The following CASTOR2 variants were observed in gnomAD, a reference collection of about 807,000 sequenced individuals.
The protein encoded by CASTOR2 is cytosolic arginine sensor for mTORC1 subunit 2, also known as GATS protein like 2.
CASTOR2 carries 8 observed loss-of-function variants against 31.2 expected under a neutral mutation model. That is an observed-to-expected ratio of 0.26 (90% CI 0.15 to 0.46). The LOEUF (loss-of-function observed/expected upper bound fraction) is 0.46, where lower values mean the gene tolerates loss of function less well. Ranked by LOEUF, CASTOR2 falls within the 20% of genes least tolerant of loss-of-function variation. CASTOR2 has a pLI of 0.99. For synonymous variants in CASTOR2, 162 were observed against 158.7 expected (o/e 1.02, Z -0.16); for missense variants, 216 against 382.1 (o/e 0.57, Z 3.62).
intron 2 of CASTOR2, among the ~76,000 whole-genome samples, chr7:75,010,098 C>T (rs1197814623): frequency 2.0e-5 from 3 of 151,858 alleles, no homozygotes; most frequent in African/African-American, 4.8e-5. Flanking sequence ...CCCTCCTATA[C>T]TTTATTTGGG....
At chr7:75,003,516 C>T (rs1432967960) in intron 1 of CASTOR2, among the ~76,000 whole-genome samples, 3 of 151,814 alleles carry the variant, frequency 2.0e-5, no homozygotes, top group East Asian at 3.9e-4. Context: ...TTTGGGAGGC[C>T]GAGGCGGGCA....
chr7:75,005,245 C>T (rs1804581763), intron 1 of CASTOR2, among the ~76,000 whole-genome samples: 1 of 152,122 alleles, frequency 6.6e-6, no homozygotes, highest in Admixed American at 6.6e-5. Flanking sequence ...TCCCAGTGCC[C>T]CTCTCTAGTC....
At chr7:74,978,074 A>C (rs1213717640) in intron 1 of CASTOR2, among the ~76,000 whole-genome samples, 3 of 150,694 alleles carry the variant, frequency 2.0e-5, no homozygotes, top group Non-Finnish European at 3.0e-5. Context: ...ATCTCTGCTT[A>C]AAAACCTGAG....
At chr7:75,012,162 G>A (rs1417150312) in intron 2 of CASTOR2, among the ~76,000 whole-genome samples, 1 of 152,160 alleles carries the variant, frequency 6.6e-6, no homozygotes, top group African/African-American at 2.4e-5. Context: ...ATACCACCAT[G>A]TGTGGCCTAG....
Position 75,028,087 on chromosome 7 carries a change from G to C in CASTOR2, c.*3388G>C. 1 of 1,530,192 alleles carries C rather than the reference G, an allele frequency of 6.5e-7. No individual in the cohort carries two copies. The highest frequency in any genetic ancestry group is 8.7e-7 in the Non-Finnish European group (1 of 1,145,362). The allele number at this position is 1,530,192 out of a possible 1,614,324, so 94.8% of individuals were successfully genotyped here. The stretch of plus-strand genomic sequence containing the variant: ...GGCGGATGGGGCAGGTGCCTGGCGG[G>C]GGAGGAAGAGGGCTCTCTATGATGT... On this transcript the variant is annotated 3_prime_UTR_variant, in exon 9 of 9. Coordinates refer to ENST00000616305, the MANE Select transcript of CASTOR2 (RefSeq NM_001145064.3).
intron 1 of CASTOR2, among the ~76,000 whole-genome samples, chr7:74,973,186 A>G (rs1803718865): frequency 6.6e-6 from 1 of 150,678 alleles, no homozygotes; most frequent in Non-Finnish European, 1.5e-5. Flanking sequence ...ACCTTGGGCA[A>G]GTTGCTTGAC....
chr7:75,024,541 G>T lies in CASTOR2; in HGVS notation c.924+7G>T. The T allele has an allele frequency of 6.4e-7, 1 of 1,551,558 alleles. No individual in the cohort carries two copies. The highest frequency in any genetic ancestry group is 1.2e-5 in the South Asian group (1 of 84,056). ...CAAGTTTGATCATGCACTTGTGAGT[G>T]TCCAGCGCCAGACCCCTCCAGGGCA... is the stretch of plus-strand genomic sequence containing the variant. On this transcript the variant is annotated splice_region_variant and intron_variant, in intron 8 of 8. Coordinates refer to ENST00000616305, the MANE Select transcript of CASTOR2 (RefSeq NM_001145064.3).
At chr7:75,016,979 C>T (rs1804877364) in intron 2 of CASTOR2, among the ~76,000 whole-genome samples, 1 of 152,018 alleles carries the variant, frequency 6.6e-6, no homozygotes, top group African/African-American at 2.4e-5. Context: ...CCAGCCAGAC[C>T]AACATGGGAA....
intron 5 of CASTOR2, 119 bp downstream of exon 5, chr7:75,019,214 C>G: frequency 1.3e-6 from 2 of 1,493,470 alleles, no homozygotes; most frequent in Non-Finnish European, 9.1e-7. Flanking sequence ...GGAAGAGACA[C>G]AGACCTTCCC....
rs1424979371 is a variant in CASTOR2, at chr7:75,020,035, C to G, written c.636-4C>G. ...CATCTTTACCAGCTGCCTCTGGTCC[C>G]CAGAGTGAAGGACCCCATGGCCACT... is the stretch of plus-strand genomic sequence containing the variant. On this transcript the variant is annotated splice_polypyrimidine_tract_variant and splice_region_variant and intron_variant, in intron 5 of 8. Coordinates refer to ENST00000616305, the MANE Select transcript of CASTOR2 (RefSeq NM_001145064.3). 9.7e-6 allele frequency: 15 copies of G among 1,551,158 alleles called. No homozygotes were observed. The highest frequency in any genetic ancestry group is 5.2e-6 in the Non-Finnish European group (6 of 1,146,806).
Position 75,026,387 on chromosome 7 carries a change from C to T in CASTOR2, c.*1688C>T, listed in dbSNP as rs1386073697. Among the ~76,000 whole-genome samples the T allele has an allele frequency of 6.6e-5, 10 of 152,068 alleles. No individual in the cohort carries two copies. The highest frequency in any genetic ancestry group is 2.1e-4 in the South Asian group (1 of 4,818). On this transcript the variant is annotated 3_prime_UTR_variant, in exon 9 of 9. Coordinates refer to ENST00000616305, the MANE Select transcript of CASTOR2 (RefSeq NM_001145064.3). ...GTATTTTTTAATAGAGACGGGATTT[C>T]GTAACATTGCTCAGGCTGGTCTTGA... is the stretch of plus-strand genomic sequence containing the variant.
Position 74,983,685 on chromosome 7 carries a change from A to G in CASTOR2, c.113+18587A>G, listed in dbSNP as rs1554436471. Among the ~76,000 whole-genome samples, 3 of 151,258 alleles carry G rather than the reference A, an allele frequency of 2.0e-5. 1 individual carries two copies. Among genetic ancestry groups the G allele is most frequent in the East Asian group, 2.0e-4 (1 of 5,106 alleles). Reference sequence around the variant, plus strand: ...CACTTGACCTGCTTATGTGATTCCCATGGCACCATGGTGTGGGGAATGTCT... The same window carrying G: ...CACTTGACCTGCTTATGTGATTCCCGTGGCACCATGGTGTGGGGAATGTCT... On this transcript the variant is annotated intron_variant, in intron 1 of 8. Transcript: ENST00000616305.
chr7:74,995,809 G>GA (rs1187160895), intron 1 of CASTOR2, among the ~76,000 whole-genome samples: 405 of 130,932 alleles, frequency 3.1e-3, no homozygotes, highest in Admixed American at 5.5e-3. Flanking sequence ...CTCCATCTCA[G>GA]AAAAAAAAAA....
intron 1 of CASTOR2, among the ~76,000 whole-genome samples, chr7:74,977,200 A>C (rs1250444327): frequency 2.0e-5 from 3 of 150,694 alleles, no homozygotes; most frequent in Non-Finnish European, 3.0e-5. Flanking sequence ...AAAAAAAAAA[A>C]AAAACACCTT....
At chr7:75,008,172 A>G (rs1310156728) in intron 2 of CASTOR2, 108 bp downstream of exon 2, 25 of 1,351,440 alleles carry the variant, frequency 1.8e-5, no homozygotes, top group Non-Finnish European at 2.3e-5. Flanking sequence ...TTCTGCCCCC[A>G]CCTACCTCCT....
chr7:75,024,423 GGT>G lies in CASTOR2; in HGVS notation c.830-16_830-15del. Reference sequence around the variant, plus strand: ...GCCAGGTTACACAGAGGCTAAGGACGGTCTCTCCTGTTCTAGATGAGTGTGGC... The same window carrying G: ...GCCAGGTTACACAGAGGCTAAGGACGCTCTCCTGTTCTAGATGAGTGTGGC... On this transcript the variant is annotated splice_polypyrimidine_tract_variant and intron_variant, in intron 7 of 8. Coordinates refer to ENST00000616305, the MANE Select transcript of CASTOR2 (RefSeq NM_001145064.3). The G allele has an allele frequency of 5.2e-6, 8 of 1,551,478 alleles. No individual in the cohort carries two copies. Among genetic ancestry groups the G allele is most frequent in the Non-Finnish European group, 7.0e-6 (8 of 1,146,782 alleles).
At position 75,031,053 on chromosome 7, in the gene CASTOR2, G is replaced by A. The variant is rs1805287657; in HGVS notation, c.*6354G>A. Among the ~76,000 whole-genome samples, 1 of 152,244 alleles carries A rather than the reference G, an allele frequency of 6.6e-6. No homozygotes were observed. Among genetic ancestry groups the A allele is most frequent in the Admixed American group, 6.5e-5 (1 of 15,282 alleles). ...TCCCTTCCACTGCCTCAGTTTACCT[G>A]TATTCAGAAGACAGTCTAGGAAGAG... On this transcript the variant is annotated 3_prime_UTR_variant, in exon 9 of 9. Transcript: ENST00000616305.
Position 75,022,085 on chromosome 7 carries a change from T to C in CASTOR2, c.829+129T>C. The C allele has an allele frequency of 2.7e-6, 3 of 1,103,848 alleles. No individual in the cohort carries two copies. The Admixed American group carries it at 6.0e-5, about 22-fold the overall frequency. The allele number at this position is 1,103,848 out of a possible 1,614,324, so 68.4% of individuals were successfully genotyped here. A position where few individuals can be genotyped will look rare whatever the true frequency, so the allele number is the denominator to read the frequency against. On this transcript the variant is annotated intron_variant, in intron 7 of 8. Transcript: ENST00000616305. ...TGGGGAGACTGAGGCTTGGGGAGCC[T>C]GAAATTTCTGTTGCTCACTGGTGTG... is the stretch of plus-strand genomic sequence containing the variant.
At chr7:74,976,446 GA>G (rs782619065) in intron 1 of CASTOR2, among the ~76,000 whole-genome samples, 17 of 148,002 alleles carry the variant, frequency 1.1e-4, no homozygotes, top group Non-Finnish European at 1.6e-4. Flanking sequence ...GAGGTGGGAG[GA>G]TTGCTTGAGC....
Sources: allele counts gnomAD v4.1 joint callset (sites outside exome capture counted in the v4.1 genomes callset), GRCh38; gene constraint gnomAD v4.1.1; transcripts MANE v1.5; gene names NCBI Gene and HGNC (gene_info 2026-07-23, HGNC 2026-07-21).